The following URM1 variants were observed in gnomAD, a reference collection of about 807,000 sequenced individuals.
URM1 encodes ubiquitin related modifier 1, also known as ubiquitin-related modifier 1.
In URM1, 11 loss-of-function variants were observed where a neutral mutation model predicts 17.7. That is an observed-to-expected ratio of 0.62 (90% CI 0.39 to 1.03). The LOEUF (loss-of-function observed/expected upper bound fraction) is 1.03, where lower values mean the gene tolerates loss of function less well. Ranked by LOEUF, URM1 falls within the 50% of genes least tolerant of loss-of-function variation. URM1 has a pLI of 0.00. For synonymous variants in URM1, 48 were observed against 50.6 expected, an observed-to-expected ratio of 0.95 and a Z score of 0.22; for missense variants, 128 against 129.2, an observed-to-expected ratio of 0.99 and a Z score of 0.04.
intron 2 of URM1, among the ~76,000 whole-genome samples, chr9:128,378,725 C>T (rs889547737): frequency 4.6e-5 from 7 of 151,740 alleles, no homozygotes; most frequent in Non-Finnish European, 8.8e-5. Context: ...GGGGCCGAGG[C>T]GGACGGATCA....
chr9:128,389,591 C>T (rs1490671842), intron 4 of URM1, 75 bp from the exon 5 acceptor site: 1 of 1,601,036 alleles, frequency 6.2e-7, no homozygotes, highest in Non-Finnish European at 8.5e-7. Flanking sequence ...TCCTCAGCCC[C>T]TGTTCTCCCA....
intron 4 of URM1, 37 bp from the exon 5 acceptor site, chr9:128,389,629 C>G (rs745452451): frequency 1.2e-6 from 2 of 1,612,208 alleles, no homozygotes; most frequent in Non-Finnish European, 1.7e-6. Flanking sequence ...GGGAAGGTGG[C>G]CCTGAGGGTC....
chr9:128,372,510 AAG>A (rs1833026424), intron 1 of URM1, among the ~76,000 whole-genome samples: 2 of 152,222 alleles, frequency 1.3e-5, no homozygotes, highest in Admixed American at 1.3e-4. Flanking sequence ...TGAGGATACA[AAG>A]ATAAATAGAA....
At position 128,384,211 on chromosome 9, in the gene URM1, T is replaced by C. The variant is rs564367653; in HGVS notation, c.107-3605T>C. On this transcript the variant is annotated intron_variant, in intron 2 of 4. Transcript: ENST00000372853. ...GACTCAGAACTCAACCACTCCAGCA[T>C]AGAGCAGCAGCTCTCATTGCCTGCT... Among the ~76,000 whole-genome samples the C allele has an allele frequency of 4.6e-5, 7 of 152,292 alleles. 1 individual carries two copies. The highest frequency in any genetic ancestry group is 4.6e-4 in the Admixed American group (7 of 15,302).
intron 2 of URM1, among the ~76,000 whole-genome samples, chr9:128,379,929 A>G (rs766884708): frequency 6.6e-6 from 1 of 152,102 alleles, no homozygotes; most frequent in Non-Finnish European, 1.5e-5. Flanking sequence ...CCTGGGTAAC[A>G]TGGCAAAACC....
intron 1 of URM1, among the ~76,000 whole-genome samples, chr9:128,377,409 A>C (rs956041300): frequency 2.5e-4 from 38 of 152,206 alleles, no homozygotes; most frequent in African/African-American, 8.9e-4. Flanking sequence ...GCGGTGGCTC[A>C]TGACTGTAAT....
intron 2 of URM1, among the ~76,000 whole-genome samples, chr9:128,380,492 G>C (rs1833144628): frequency 6.6e-6 from 1 of 152,082 alleles, no homozygotes; most frequent in Admixed American, 6.6e-5. Context: ...CCTTGGGAGG[G>C]CACATGGTGC....
intron 1 of URM1, among the ~76,000 whole-genome samples, chr9:128,377,778 T>C (rs1833096687): frequency 6.6e-6 from 1 of 152,212 alleles, no homozygotes; most frequent in African/African-American, 2.4e-5. Flanking sequence ...GAAGGTCTCT[T>C]GAACCCAGGA....
intron 2 of URM1, among the ~76,000 whole-genome samples, chr9:128,386,536 C>T (rs1833229850): frequency 1.3e-5 from 2 of 152,252 alleles, no homozygotes; most frequent in African/African-American, 4.8e-5. Context: ...CAAGTTGGCA[C>T]CAAGCAAAGT....
chr9:128,379,193 C>G (rs1833123190), intron 2 of URM1, among the ~76,000 whole-genome samples: 1 of 151,874 alleles, frequency 6.6e-6, no homozygotes, highest in Admixed American at 6.6e-5. Context: ...AGAAAATGGT[C>G]AAGTCAGGCC....
chr9:128,388,924 G>A (rs531287257), intron 3 of URM1: 39 of 1,104,642 alleles, frequency 3.5e-5, no homozygotes, highest in Admixed American at 4.5e-5. Context: ...AGCTCATTTC[G>A]TTTTCGTATA....
At position 128,387,186 on chromosome 9, in the gene URM1, G is replaced by A. The variant is rs566909398; in HGVS notation, c.107-630G>A. On this transcript the variant is annotated intron_variant, in intron 2 of 4. Coordinates refer to ENST00000372853, the MANE Select transcript of URM1 (RefSeq NM_030914.4). This position sits in a 1 kb window ranked among gnomAD's most constrained non-coding sequence, Gnocchi z 4.3. ...CCTGTCACCCGAACCTCTGGCCACC[G>A]CTGGCGCGGAGGGCTCTGGAAGCAC... Among the ~76,000 whole-genome samples the A allele has an allele frequency of 1.4e-4, 22 of 152,360 alleles. No individual in the cohort carries two copies. In the South Asian group the frequency reaches 4.1e-3, roughly 29 times the overall value.
At chr9:128,378,776 T>C (rs1833115669) in intron 2 of URM1, among the ~76,000 whole-genome samples, 1 of 150,034 alleles carries the variant, frequency 6.7e-6, no homozygotes, top group Admixed American at 6.7e-5. Context: ...CGAAATCCCA[T>C]CTCTACTAGA....
At chr9:128,386,792 C>G (rs1056880314) in intron 2 of URM1, among the ~76,000 whole-genome samples, 6 of 152,244 alleles carry the variant, frequency 3.9e-5, no homozygotes, top group African/African-American at 1.4e-4. Context: ...AGGCATTAGT[C>G]CAGGACAGCA....
intron 1 of URM1, among the ~76,000 whole-genome samples, chr9:128,374,821 A>T (rs1833055807): frequency 6.6e-6 from 1 of 152,248 alleles, no homozygotes; most frequent in African/African-American, 2.4e-5. Context: ...AGGGAGAAGC[A>T]GCATGGGGCG....
intron 3 of URM1, 200 bp downstream of exon 3, chr9:128,388,097 G>A: frequency 7.5e-7 from 1 of 1,333,532 alleles, no homozygotes; most frequent in African/African-American, 1.5e-5. Flanking sequence ...CCAGATGAAA[G>A]GAGCCTGGTG....
chr9:128,374,296 T>C (rs1280591431), intron 1 of URM1, among the ~76,000 whole-genome samples: 1 of 152,170 alleles, frequency 6.6e-6, no homozygotes, highest in African/African-American at 2.4e-5. Flanking sequence ...TTCATCCGCT[T>C]GTAAAGGGAA....
chr9:128,383,479 G>T (rs1166716688), intron 2 of URM1, among the ~76,000 whole-genome samples: 1 of 152,170 alleles, frequency 6.6e-6, no homozygotes, highest in Non-Finnish European at 1.5e-5. Flanking sequence ...GGGGACAGAG[G>T]CAGTTTAACC....
At chr9:128,380,581 A>G (rs1833145700) in intron 2 of URM1, among the ~76,000 whole-genome samples, 1 of 146,884 alleles carries the variant, frequency 6.8e-6, no homozygotes, top group Admixed American at 6.8e-5. Flanking sequence ...GTTATTATTT[A>G]TTTCCTGTGG....
Sources: gnomAD v4.1 joint callset for allele counts (sites outside exome capture counted in the v4.1 genomes callset) on GRCh38, gnomAD v4.1.1 for gene constraint, Gnocchi (gnomAD v3.1) non-coding constraint, MANE v1.5 for transcripts, NCBI Gene and HGNC (gene_info 2026-07-23, HGNC 2026-07-21) for gene names.